AGBL4: variants seen among roughly 807,000 people sequenced by gnomAD.
AGBL4 encodes the protein cytosolic carboxypeptidase 6.
Under a neutral mutation model 66.4 loss-of-function variants are expected in AGBL4, and 58 were observed. The observed-to-expected ratio is 0.87, with a 90% CI of 0.71 to 1.09. AGBL4 has a LOEUF of 1.09. AGBL4 is among the 50% of genes least tolerant of loss of function. AGBL4 has a pLI of 0.00. For synonymous variants in AGBL4, 234 were observed against 222.9 expected (o/e 1.05, Z -0.44); for missense variants, 579 against 631.0 (o/e 0.92, Z 0.88).
intron 6 of AGBL4, among the ~76,000 whole-genome samples, chr1:48,724,949 C>A (rs1380447163): frequency 6.6e-6 from 1 of 152,100 alleles, no homozygotes; most frequent in Non-Finnish European, 1.5e-5. Context: ...AACTCACTGG[C>A]CTGGCACAAG....
chr1:49,920,351 G>A (rs980822296), intron 1 of AGBL4, among the ~76,000 whole-genome samples: 8 of 152,154 alleles, frequency 5.3e-5, no homozygotes, highest in African/African-American at 1.9e-4. Context: ...CTGACAAAGG[G>A]CTAATATCCA....
At chr1:49,102,206 T>C (rs1229665275) in intron 4 of AGBL4, among the ~76,000 whole-genome samples, 1 of 152,130 alleles carries the variant, frequency 6.6e-6, no homozygotes, top group Non-Finnish European at 1.5e-5. Flanking sequence ...AGAGACTATC[T>C]TGTGGATCCA....
intron 1 of AGBL4, among the ~76,000 whole-genome samples, chr1:49,965,150 T>C (rs577589276): frequency 5.3e-4 from 80 of 152,324 alleles, no homozygotes; most frequent in Middle Eastern, 3.4e-3. Context: ...TCCAACTCCA[T>C]GGAAATCAAT....
At chr1:48,919,771 T>C (rs930970158) in intron 5 of AGBL4, among the ~76,000 whole-genome samples, 1 of 152,190 alleles carries the variant, frequency 6.6e-6, no homozygotes, top group Non-Finnish European at 1.5e-5. Context: ...CTCTAGACAT[T>C]GCCAAATGTT....
At chr1:48,926,552 G>A (rs773604702) in intron 5 of AGBL4, among the ~76,000 whole-genome samples, 1 of 151,836 alleles carries the variant, frequency 6.6e-6, no homozygotes, top group Non-Finnish European at 1.5e-5. Flanking sequence ...GACTCCCAAA[G>A]TGCTGGGATT....
In AGBL4 at chr1:49,749,286, C is replaced by T. The variant is rs191066252; in HGVS notation, c.158-51849G>A. ...GAATCCTTTCCCCATTGCTTGTTTT[C>T]GTCAGGTTTGTCAAAGATCAGATGG... is the stretch of plus-strand genomic sequence containing the variant. On this transcript the variant is annotated intron_variant, in intron 2 of 13. Transcript: ENST00000371839. Among the ~76,000 whole-genome samples, 942 of 152,006 alleles carry T rather than the reference C, an allele frequency of 6.2e-3. 11 individuals carry two copies. Among genetic ancestry groups the T allele is most frequent in the African/African-American group, 0.021 (884 of 41,480 alleles).
At chr1:48,916,301 C>T (rs1413406047) in intron 5 of AGBL4, among the ~76,000 whole-genome samples, 6 of 152,112 alleles carry the variant, frequency 3.9e-5, no homozygotes, top group Admixed American at 3.9e-4. Context: ...CATCTGGCTC[C>T]ATCTAGTGTC....
At chr1:49,775,959 T>C (rs995855626) in intron 2 of AGBL4, among the ~76,000 whole-genome samples, 1 of 152,084 alleles carries the variant, frequency 6.6e-6, no homozygotes, top group Admixed American at 6.6e-5. Flanking sequence ...GAAGTATGCA[T>C]ATATTGAGCA....
chr1:49,245,888 T>C (rs1162216286), intron 3 of AGBL4, 24 bp from the exon 4 acceptor site: 2 of 1,474,954 alleles, frequency 1.4e-6, no homozygotes, highest in African/African-American at 2.8e-5. Flanking sequence ...AGGGAGAAGT[T>C]CATCTTTATG....
At chr1:49,418,301 T>G (rs1161335072) in intron 3 of AGBL4, among the ~76,000 whole-genome samples, 1 of 152,164 alleles carries the variant, frequency 6.6e-6, no homozygotes, top group Non-Finnish European at 1.5e-5. Context: ...TCTCTTTAAG[T>G]GGTAGGAGCC....
chr1:49,918,482 C>A (rs1004790980), intron 1 of AGBL4, among the ~76,000 whole-genome samples: 7 of 152,126 alleles, frequency 4.6e-5, no homozygotes, highest in Non-Finnish European at 1.5e-5. Flanking sequence ...ACTAGAAAAT[C>A]TAGAAGAAAT....
intron 2 of AGBL4, among the ~76,000 whole-genome samples, chr1:49,794,017 T>C (rs1490660161): frequency 6.6e-6 from 1 of 151,934 alleles, no homozygotes; most frequent in Non-Finnish European, 1.5e-5. Context: ...TTTAGCCACA[T>C]GATGATCACT....
chr1:49,274,629 A>C (rs1644131499), intron 3 of AGBL4, among the ~76,000 whole-genome samples: 1 of 152,130 alleles, frequency 6.6e-6, no homozygotes, highest in South Asian at 2.1e-4. Context: ...ATACAGTACA[A>C]AATTTGCTTA....
intron 3 of AGBL4, among the ~76,000 whole-genome samples, chr1:49,442,667 T>C (rs1463916216): frequency 6.6e-6 from 1 of 152,240 alleles, no homozygotes; most frequent in Non-Finnish European, 1.5e-5. Context: ...AATAGACGCT[T>C]ACGTTGATTC....
chr1:49,906,731 G>T (rs1274227465), intron 1 of AGBL4, among the ~76,000 whole-genome samples: 1 of 152,062 alleles, frequency 6.6e-6, no homozygotes, highest in African/African-American at 2.4e-5. Context: ...AACTGCATAT[G>T]TAAGTAAACG....
At chr1:49,150,529 C>G (rs983016193) in intron 4 of AGBL4, among the ~76,000 whole-genome samples, 2 of 152,146 alleles carry the variant, frequency 1.3e-5, no homozygotes, top group Non-Finnish European at 2.9e-5. Context: ...TTCATGTGTA[C>G]TTTTCACTAC....
intron 2 of AGBL4, among the ~76,000 whole-genome samples, chr1:49,762,937 A>G (rs1466473777): frequency 1.3e-5 from 2 of 152,060 alleles, no homozygotes; most frequent in African/African-American, 4.8e-5. Flanking sequence ...TCGAGGCCTT[A>G]TTTAAAAAAT....
At chr1:48,791,508 G>A (rs1329667612) in intron 6 of AGBL4, among the ~76,000 whole-genome samples, 2 of 152,138 alleles carry the variant, frequency 1.3e-5, no homozygotes, top group Admixed American at 1.3e-4. Context: ...AACCCATTTT[G>A]GGGGTTGCCC....
chr1:48,675,405 A>C (rs1309361487), intron 6 of AGBL4, among the ~76,000 whole-genome samples: 2 of 152,178 alleles, frequency 1.3e-5, no homozygotes, highest in African/African-American at 4.8e-5. Context: ...TGAAGGTGTG[A>C]TGGTTTATTT....
Sources: gnomAD v4.1 joint callset for allele counts (sites outside exome capture counted in the v4.1 genomes callset) on GRCh38, gnomAD v4.1.1 for gene constraint, MANE v1.5 for transcripts, NCBI Gene and HGNC (gene_info 2026-07-23, HGNC 2026-07-21) for gene names.